The following PALLD variants were observed in gnomAD, a reference collection of about 807,000 sequenced individuals.
PALLD encodes the protein palladin.
A neutral mutation model predicts 123.5 loss-of-function variants in PALLD; 61 were observed. The ratio of observed to expected loss-of-function variants is 0.49; its 90% CI spans 0.40 to 0.61. The LOEUF (loss-of-function observed/expected upper bound fraction) is 0.61, where lower values mean the gene tolerates loss of function less well. Ranked by LOEUF, PALLD falls within the 20% of genes least tolerant of loss-of-function variation. PALLD has a pLI of 0.00. For missense variants in PALLD, 1,273 were observed against 1,377.0 expected (o/e 0.92, Z 1.20); for synonymous variants, 465 against 496.4 (o/e 0.94, Z 0.84).
intron 10 of PALLD, among the ~76,000 whole-genome samples, chr4:168,783,310 A>G (rs1736215641): frequency 6.6e-6 from 1 of 152,158 alleles, no homozygotes; most frequent in African/African-American, 2.4e-5. Context: ...AGCTCATAGT[A>G]TAAGAGAGCT....
chr4:168,903,985 A>G, intron 15 of PALLD, 79 bp downstream of exon 15: 1 of 1,330,706 alleles, frequency 7.5e-7, no homozygotes. Context: ...AACTATTTAA[A>G]AGGTGAAGTT....
At chr4:168,749,901 A>G (rs1581262779) in intron 10 of PALLD, among the ~76,000 whole-genome samples, 1 of 131,894 alleles carries the variant, frequency 7.6e-6, no homozygotes, top group Non-Finnish European at 1.6e-5. Flanking sequence ...AGACCCCAGC[A>G]TCTGTTGTTG....
chr4:168,894,607 G>A lies in PALLD; in HGVS notation c.2129G>A (p.Arg710His), dbSNP rs745941762. 7.4e-6 allele frequency: 12 copies of A among 1,612,608 alleles called. No homozygotes were observed. Among genetic ancestry groups the A allele is most frequent in the East Asian group, 2.2e-5 (1 of 44,760 alleles). Residue 710 changes from arginine to histidine, a missense_variant, in exon 12 of 22, where the codon CGT becomes CAT. Around this residue, in one of 2 missense-constraint regions of PALLD, gnomAD observed 944 missense variants for 954.5 expected, o/e 0.99. Coordinates refer to ENST00000505667, the MANE Select transcript of PALLD (RefSeq NM_001166108.2). Reference sequence around the variant, plus strand: ...TTAACATACGAAGAAAGAATGGCTCGTCGACTGCTAGGTGCTGACAGTGCA... The same window carrying A: ...TTAACATACGAAGAAAGAATGGCTCATCGACTGCTAGGTGCTGACAGTGCA... Reference protein sequence around the residue: ...PRLTYEERMARRLLGADSATV... With the variant: ...PRLTYEERMAHRLLGADSATV...
At chr4:168,679,434 T>TGGGG (rs752534338) in intron 3 of PALLD, among the ~76,000 whole-genome samples, 2 of 93,658 alleles carry the variant, frequency 2.1e-5, no homozygotes, top group Admixed American at 2.7e-4. Flanking sequence ...TATGGATGTG[T>TGGGG]GGGGTGTGTG....
chr4:168,591,365 G>A (rs976021321), intron 2 of PALLD, among the ~76,000 whole-genome samples: 3 of 152,210 alleles, frequency 2.0e-5, no homozygotes, highest in African/African-American at 7.2e-5. Context: ...CAGTGGGCCA[G>A]ATACCATTTA....
Position 168,924,360 on chromosome 4 carries a change from C to T in PALLD, c.3164C>T (p.Pro1055Leu). 1.2e-6 allele frequency: 2 copies of T among 1,613,912 alleles called. No homozygotes were observed. The highest frequency in any genetic ancestry group is 1.7e-6 in the Non-Finnish European group (2 of 1,179,852). Reference sequence around the variant, plus strand: ...GAATGTCGTGTATTGGGAGTGCCACCACCTCAGATATTTTGGAAGAAAGAA... The same window carrying T: ...GAATGTCGTGTATTGGGAGTGCCACTACCTCAGATATTTTGGAAGAAAGAA... ...RLECRVLGVP[P>L]PQIFWKKENE... is the part of the protein sequence containing the mutation. Residue 1055 changes from proline (P) to leucine (L), a missense_variant, in exon 19 of 22, where the codon CCA (proline) becomes CTA (leucine). Pro to Leu is a moderately conservative substitution (Grantham distance 98). This residue lies in a region of PALLD where 329 missense variants were observed against 422.5 expected (regional missense o/e 0.78). Transcript: ENST00000505667.
intron 10 of PALLD, chr4:168,878,427 C>A (rs1322729408): frequency 3.5e-6 from 5 of 1,434,448 alleles, no homozygotes; most frequent in Non-Finnish European, 4.6e-6. Flanking sequence ...CACTTCCCTG[C>A]CCCTCCGCCT....
Position 168,718,648 on chromosome 4 carries a change from A to C in PALLD, c.1964+6725A>C, listed in dbSNP as rs1486879481. Among the ~76,000 whole-genome samples the C allele has an allele frequency of 2.0e-5, 3 of 152,220 alleles. No individual in the cohort carries two copies. In the East Asian group the frequency reaches 5.8e-4, roughly 29 times the overall value. On this transcript the variant is annotated intron_variant, in intron 10 of 21. Coordinates refer to ENST00000505667, the MANE Select transcript of PALLD (RefSeq NM_001166108.2). ...CTCTCGGACTCAGTAACCAGTTGTC[A>C]CTGTCTTGTGTATCCTGCCAGAGAT...
rs548874369 is a variant in PALLD, at chr4:168,702,891, TTTTA to T, written c.1502-6117_1502-6114del. The stretch of plus-strand genomic sequence containing the variant: ...TGTTTTTATTTTATTTATTTATTTA[TTTTA>T]TTTATTTATTTATTTATTTTTTATT... On this transcript the variant is annotated intron_variant, in intron 8 of 21. Coordinates refer to ENST00000505667, the MANE Select transcript of PALLD (RefSeq NM_001166108.2). Among the ~76,000 whole-genome samples the T allele has an allele frequency of 3.3e-3, 460 of 140,354 alleles. 7 individuals are homozygous for T. The highest frequency in any genetic ancestry group is 0.028 in the Admixed American group (407 of 14,536). The allele number at this position is 140,354 out of a possible 152,430, so 92.1% of individuals were successfully genotyped here.
rs572852087 is a variant in PALLD, at chr4:168,713,477, A to G, written c.1964+1554A>G. 9.7e-4 allele frequency among the ~76,000 whole-genome samples: 148 copies of G among 152,358 alleles called. 1 individual carries two copies. Among genetic ancestry groups the G allele is most frequent in the Admixed American group, 1.6e-3 (25 of 15,302 alleles). On this transcript the variant is annotated intron_variant, in intron 10 of 21. Coordinates refer to ENST00000505667, the MANE Select transcript of PALLD (RefSeq NM_001166108.2). ...CTGTGGTCTTGATTAAGTAAAGTCTATCTACTCTAATGGGTATCATAAATT... is the reference window on the plus strand; with the variant it reads ...CTGTGGTCTTGATTAAGTAAAGTCTGTCTACTCTAATGGGTATCATAAATT...
chr4:168,525,998 T>C (rs1764009750), intron 2 of PALLD, among the ~76,000 whole-genome samples: 1 of 152,240 alleles, frequency 6.6e-6, no homozygotes, highest in Admixed American at 6.5e-5. Flanking sequence ...CCCTTTCACC[T>C]GCAAATCTTA....
intron 10 of PALLD, among the ~76,000 whole-genome samples, chr4:168,811,622 G>T (rs547891248): frequency 6.6e-6 from 1 of 152,036 alleles, no homozygotes; most frequent in Non-Finnish European, 1.5e-5. Flanking sequence ...TGTAGTCCCC[G>T]CTACTCAAGA....
At chr4:168,697,791 A>G (rs1561413287) in intron 8 of PALLD, among the ~76,000 whole-genome samples, 1 of 152,228 alleles carries the variant, frequency 6.6e-6, no homozygotes, top group Non-Finnish European at 1.5e-5. Flanking sequence ...TAACTCCCAA[A>G]TGCTTAGCAT....
At chr4:168,889,379 G>A (rs1011452616) in intron 10 of PALLD, among the ~76,000 whole-genome samples, 3 of 151,754 alleles carry the variant, frequency 2.0e-5, no homozygotes, top group African/African-American at 7.3e-5. Flanking sequence ...GGCCAAGCTG[G>A]TCTCCAACTC....
intron 10 of PALLD, among the ~76,000 whole-genome samples, chr4:168,875,782 T>A (rs1751668693): frequency 6.6e-6 from 1 of 152,204 alleles, no homozygotes; most frequent in Non-Finnish European, 1.5e-5. Flanking sequence ...AGCTGACCCA[T>A]GGAGAAGTTG....
intron 2 of PALLD, among the ~76,000 whole-genome samples, chr4:168,666,479 T>G (rs546491006): frequency 4.3e-4 from 66 of 152,168 alleles, no homozygotes; most frequent in Non-Finnish European, 7.6e-4. Context: ...TAAGGAAGAA[T>G]AGTTCCTAGA....
chr4:168,562,337 G>C (rs1370741882), intron 2 of PALLD, among the ~76,000 whole-genome samples: 3 of 152,184 alleles, frequency 2.0e-5, no homozygotes, highest in African/African-American at 7.2e-5. Context: ...AGTACAGCCT[G>C]AGATTCATTC....
chr4:168,683,139 G>A (rs766127670), intron 5 of PALLD, 36 bp downstream of exon 5: 14 of 1,143,144 alleles, frequency 1.2e-5, no homozygotes, highest in East Asian at 2.3e-5. Flanking sequence ...ATAAGGGGTC[G>A]AACTCATCAG....
chr4:168,812,892 T>C (rs528215098), intron 10 of PALLD, among the ~76,000 whole-genome samples: 11 of 152,050 alleles, frequency 7.2e-5, no homozygotes, highest in Non-Finnish European at 1.5e-4. Flanking sequence ...AATGTGGGCG[T>C]GGAAATTAGA....
Sources: gnomAD v4.1 joint callset for allele counts (sites outside exome capture counted in the v4.1 genomes callset) on GRCh38, gnomAD v4.1.1 for gene constraint, gnomAD v4.1.1 regional missense constraint, MANE v1.5 for transcripts, NCBI Gene and HGNC (gene_info 2026-07-23, HGNC 2026-07-21) for gene names.